C1QTNF1: variants seen among roughly 807,000 people sequenced by gnomAD.
The protein encoded by C1QTNF1 is complement C1q tumor necrosis factor-related protein 1.
C1QTNF1 carries 22 observed loss-of-function variants against 27.8 expected under a neutral mutation model. That is an observed-to-expected ratio of 0.79 (90% CI 0.56 to 1.13). C1QTNF1 has a LOEUF of 1.13. Ranked by LOEUF, C1QTNF1 falls within the 50% of genes most tolerant of loss-of-function variation. The pLI, the probability that C1QTNF1 is intolerant of heterozygous loss-of-function variation, is 0.00. For synonymous variants in C1QTNF1, 166 were observed against 154.3 expected (o/e 1.08, Z -0.56); for missense variants, 373 against 380.2 (o/e 0.98, Z 0.16).
intron 3 of C1QTNF1, chr17:79,047,134 C>A (rs1211193797): frequency 8.1e-6 from 2 of 246,872 alleles, no homozygotes; most frequent in East Asian, 8.1e-5. Context: ...CCCCAGCTGG[C>A]CCCGACATCT....
chr17:79,029,895 G>C (rs80317381), intron 1 of C1QTNF1, among the ~76,000 whole-genome samples: 14 of 152,314 alleles, frequency 9.2e-5, no homozygotes, highest in African/African-American at 3.4e-4. Context: ...AGGGCATCTT[G>C]TTCCGTTCGT....
At chr17:79,043,877 C>G in intron 1 of C1QTNF1, 78 bp from the exon 2 acceptor site, 1 of 1,529,732 alleles carries the variant, frequency 6.5e-7, no homozygotes. Context: ...GGCTGTTTCT[C>G]TCCCCAATTT....
intron 1 of C1QTNF1, chr17:79,025,543 C>T (rs1315983513): frequency 6.6e-6 from 1 of 152,428 alleles, no homozygotes; most frequent in African/African-American, 2.4e-5. Context: ...CCGCTGGCCA[C>T]TTCACAGCCC....
At chr17:79,028,807 C>T (rs1272887580) in intron 1 of C1QTNF1, among the ~76,000 whole-genome samples, 1 of 152,162 alleles carries the variant, frequency 6.6e-6, no homozygotes, top group Admixed American at 6.5e-5. Flanking sequence ...ATGCTGGTGT[C>T]TCTTCACCCT....
chr17:79,041,832 G>A (rs2072418173), intron 1 of C1QTNF1: 1 of 151,756 alleles, frequency 6.6e-6, no homozygotes, highest in Non-Finnish European at 1.5e-5. Context: ...GCCCCCGAGC[G>A]ACGGTGTGTG....
intron 1 of C1QTNF1, chr17:79,043,685 A>T: frequency 1.8e-6 from 1 of 571,318 alleles, no homozygotes; most frequent in Non-Finnish European, 3.3e-6. Context: ...ATGTGTGTTG[A>T]GTGTGTGCAT....
At chr17:79,043,715 G>A (rs1292771674) in intron 1 of C1QTNF1, 2 of 625,574 alleles carry the variant, frequency 3.2e-6, no homozygotes, top group African/African-American at 3.7e-5. Flanking sequence ...TTGCATGTAT[G>A]TGAATGTGTG....
Position 79,046,426 on chromosome 17 carries a change from G to C in C1QTNF1, c.156-129G>C, listed in dbSNP as rs1390139651. The C allele has an allele frequency of 1.2e-5, 16 of 1,304,744 alleles. No homozygotes were observed. Among genetic ancestry groups the C allele is most frequent in the Non-Finnish European group, 1.7e-5 (16 of 930,538 alleles). 80.8% of individuals were successfully genotyped at this position (1,304,744 alleles called of 1,614,324 possible). ...CCGTGAGCCCACCAGCGTGAACACA[G>C]AGCCTTGTGGGTCCAGGTGAGAGAG... On this transcript the variant is annotated intron_variant, in intron 2 of 3. Transcript: ENST00000579760. The surrounding 1 kb of genome is among the most constrained non-coding windows in gnomAD (Gnocchi z 4.8).
At chr17:79,043,699 TG>T (rs1411274142) in intron 1 of C1QTNF1, 16 of 597,396 alleles carry the variant, frequency 2.7e-5, no homozygotes, top group Admixed American at 2.4e-4. Context: ...TGTGCATGTG[TG>T]GGGGTTGCAT....
chr17:79,034,927 G>A (rs958636131), intron 1 of C1QTNF1, among the ~76,000 whole-genome samples: 5 of 152,158 alleles, frequency 3.3e-5, no homozygotes, highest in South Asian at 2.1e-4. Context: ...CATCCACCAC[G>A]AGGTTGAGGG....
intron 1 of C1QTNF1, among the ~76,000 whole-genome samples, chr17:79,037,515 C>T (rs56101374): frequency 0.16 from 24,794 of 152,126 alleles, 2,980 homozygotes; most frequent in African/African-American, 0.34. Context: ...CCACCCTCCT[C>T]GGCCTCCTAA....
intron 1 of C1QTNF1, among the ~76,000 whole-genome samples, chr17:79,030,447 C>CTTTCTT (rs1568060838): frequency 1.9e-4 from 28 of 146,864 alleles, no homozygotes; most frequent in African/African-American, 6.8e-4. Flanking sequence ...CTCTCTCTTT[C>CTTTCTT]TTCTTTCTTT....
At position 79,047,049 on chromosome 17, in the gene C1QTNF1, C is replaced by T. The variant is rs537382197; in HGVS notation, c.295+355C>T. On this transcript the variant is annotated intron_variant, in intron 3 of 3. Coordinates refer to ENST00000579760, the MANE Select transcript of C1QTNF1 (RefSeq NM_030968.5). ...CCTGCTTTCTGAAATGCCACCTGCTCGCTCCGGTCCTGCACACGGCAGATA... is the reference window on the plus strand; with the variant it reads ...CCTGCTTTCTGAAATGCCACCTGCTTGCTCCGGTCCTGCACACGGCAGATA... The T allele has an allele frequency of 3.9e-4, 117 of 300,428 alleles. 1 individual carries two copies. In the South Asian group the frequency reaches 6.9e-3, roughly 18 times the overall value. 18.6% of individuals were successfully genotyped at this position (300,428 alleles called of 1,614,324 possible).
At chr17:79,044,801 CTTCA>C (rs1555672223) in intron 2 of C1QTNF1, among the ~76,000 whole-genome samples, 1 of 152,196 alleles carries the variant, frequency 6.6e-6, no homozygotes, top group Non-Finnish European at 1.5e-5. Flanking sequence ...CTTGGAGTCT[CTTCA>C]TTATTTTGAG....
intron 1 of C1QTNF1, among the ~76,000 whole-genome samples, chr17:79,030,572 T>C (rs1410415231): frequency 6.7e-6 from 1 of 149,944 alleles, no homozygotes; most frequent in Non-Finnish European, 1.5e-5. Context: ...TCTCTCTCTC[T>C]TTTCCTTCCT....
At chr17:79,030,763 C>A (rs2072119753) in intron 1 of C1QTNF1, among the ~76,000 whole-genome samples, 1 of 151,812 alleles carries the variant, frequency 6.6e-6, no homozygotes, top group Admixed American at 6.6e-5. Flanking sequence ...CCACACCCAG[C>A]TAATTTTTGT....
upstream of C1QTNF1, among the ~76,000 whole-genome samples, chr17:79,023,338 T>C (rs75605291): frequency 0.012 from 1,769 of 152,284 alleles, 28 homozygotes; most frequent in African/African-American, 0.041. Context: ...GCTAGTGATA[T>C]GGTAAGTTTC....
rs911447104 is a variant in C1QTNF1, at chr17:79,026,925, C to G, written c.-15+2431C>G. Reference sequence around the variant, plus strand: ...CTTTCTGTTCTTCTTCCTGGTGCCTCCCCCCAGCTGTAATTAGCATGACTC... The same window carrying G: ...CTTTCTGTTCTTCTTCCTGGTGCCTGCCCCCAGCTGTAATTAGCATGACTC... On this transcript the variant is annotated intron_variant, in intron 1 of 3. Coordinates refer to ENST00000579760, the MANE Select transcript of C1QTNF1 (RefSeq NM_030968.5). 1.3e-5 allele frequency among the ~76,000 whole-genome samples: 2 copies of G among 152,206 alleles called. 1 individual carries two copies. Among genetic ancestry groups the G allele is most frequent in the Admixed American group, 1.3e-4 (2 of 15,284 alleles).
At chr17:79,043,290 G>A (rs537860222) in intron 1 of C1QTNF1, 2 of 453,886 alleles carry the variant, frequency 4.4e-6, no homozygotes, top group Non-Finnish European at 8.8e-6. Flanking sequence ...GTGTGCATGT[G>A]ATTTGGGTAT....
Sources: gnomAD v4.1 joint callset for allele counts (sites outside exome capture counted in the v4.1 genomes callset) on GRCh38, gnomAD v4.1.1 for gene constraint, Gnocchi (gnomAD v3.1) non-coding constraint, MANE v1.5 for transcripts, NCBI Gene and HGNC (gene_info 2026-07-23, HGNC 2026-07-21) for gene names.